Variants in C1orf159 observed in about 807,000 individuals in gnomAD.
C1orf159 encodes the protein uncharacterized protein C1orf159.
C1orf159 carries 19 observed loss-of-function variants against 25.6 expected under a neutral mutation model. The observed-to-expected ratio is 0.74, with a 90% CI of 0.52 to 1.09. The LOEUF (loss-of-function observed/expected upper bound fraction) is 1.09, where lower values mean the gene tolerates loss of function less well. Ranked by LOEUF, C1orf159 falls within the 50% of genes least tolerant of loss-of-function variation. The pLI, the probability that C1orf159 is intolerant of heterozygous loss-of-function variation, is 0.00. For synonymous variants in C1orf159, 139 were observed against 124.7 expected (o/e 1.12, Z -0.77); for missense variants, 274 against 290.6 (o/e 0.94, Z 0.42).
chr1:1,101,861 C>G (rs1646104625), intron 1 of C1orf159, among the ~76,000 whole-genome samples: 1 of 151,972 alleles, frequency 6.6e-6, no homozygotes, highest in Non-Finnish European at 1.5e-5. Flanking sequence ...CCCCTGAGGT[C>G]AGGAGTTCGA....
At chr1:1,085,008 C>G (rs1645807256) in intron 7 of C1orf159, among the ~76,000 whole-genome samples, 1 of 152,202 alleles carries the variant, frequency 6.6e-6, no homozygotes. Flanking sequence ...CCAGGGCTGA[C>G]CAAGCCCTGA....
chr1:1,085,458 G>A (rs1259706014), intron 7 of C1orf159: 4 of 289,416 alleles, frequency 1.4e-5, no homozygotes, highest in African/African-American at 4.4e-5. Context: ...AGGCTGGGGT[G>A]TGGGCCCTGC....
chr1:1,090,140 A>G (rs1406048085), intron 4 of C1orf159, among the ~76,000 whole-genome samples: 3 of 152,072 alleles, frequency 2.0e-5, no homozygotes, highest in African/African-American at 7.2e-5. Context: ...CTGCTGGGCC[A>G]GTCTTCTCAT....
Position 1,091,650 on chromosome 1 carries a change from G to T in C1orf159, c.-22-85C>A, listed in dbSNP as rs919521276. On this transcript the variant is annotated intron_variant, in intron 2 of 9. Coordinates refer to ENST00000421241, the MANE Select transcript of C1orf159 (RefSeq NM_017891.5). ...TGGGGCCAAATGAAAGTGGGGTCAAGAGATGTTGGGGGGGTGCGGGCCAAG... is the reference window on the plus strand; with the variant it reads ...TGGGGCCAAATGAAAGTGGGGTCAATAGATGTTGGGGGGGTGCGGGCCAAG... The T allele has an allele frequency of 9.5e-6, 9 of 946,360 alleles. No individual in the cohort carries two copies. In the Admixed American group the frequency reaches 1.0e-4, roughly 11 times the overall value. The allele number at this position is 946,360 out of a possible 1,614,324, so 58.6% of individuals were successfully genotyped here.
At chr1:1,085,392 C>A (rs1377399747) in intron 7 of C1orf159, 1 of 324,960 alleles carries the variant, frequency 3.1e-6, no homozygotes, top group Non-Finnish European at 6.3e-6. Context: ...GGCCGTCTCT[C>A]CAGTGGGAAG....
At chr1:1,103,774 A>C (rs1182160416) in intron 1 of C1orf159, among the ~76,000 whole-genome samples, 2 of 152,170 alleles carry the variant, frequency 1.3e-5, no homozygotes, top group South Asian at 4.1e-4. Context: ...TCTGTCGCCC[A>C]GGCAGAAATG....
rs1411163390 is a variant in C1orf159, at chr1:1,110,228, G to A, written c.-136+5832C>T. Among the ~76,000 whole-genome samples the A allele has an allele frequency of 6.6e-6, 1 of 152,166 alleles. No individual in the cohort carries two copies. The highest frequency in any genetic ancestry group is 6.5e-5 in the Admixed American group (1 of 15,288). ...TGAAAAAGGGTGGCAGTATAACCAG[G>A]TGTGTCCAACCTCCCATCCTTTTAT... On this transcript the variant is annotated intron_variant, in intron 1 of 9. Coordinates refer to ENST00000421241, the MANE Select transcript of C1orf159 (RefSeq NM_017891.5). This position sits in a 1 kb window ranked among gnomAD's most constrained non-coding sequence, Gnocchi z 4.8.
In C1orf159 at chr1:1,110,506, C is replaced by T. The variant is rs988517718; in HGVS notation, c.-136+5554G>A. Reference sequence around the variant, plus strand: ...AAGACATCCTCGGACACTCAGAAAACGTGTGCGAATGGCAACAGATGAGTG... The same window carrying T: ...AAGACATCCTCGGACACTCAGAAAATGTGTGCGAATGGCAACAGATGAGTG... On this transcript the variant is annotated intron_variant, in intron 1 of 9. Transcript: ENST00000421241. The surrounding 1 kb of genome is among the most constrained non-coding windows in gnomAD (Gnocchi z 4.8). Among the ~76,000 whole-genome samples the T allele has an allele frequency of 3.3e-5, 5 of 151,812 alleles. No homozygotes were observed. The highest frequency in any genetic ancestry group is 3.4e-3 in the Middle Eastern group (1 of 292).
chr1:1,094,960 A>G (rs1290362749), intron 1 of C1orf159, among the ~76,000 whole-genome samples: 1 of 152,224 alleles, frequency 6.6e-6, no homozygotes, highest in African/African-American at 2.4e-5. Context: ...CCTTATGTAT[A>G]AACAGTTGCT....
chr1:1,112,078 C>T (rs1026647899), intron 1 of C1orf159, among the ~76,000 whole-genome samples: 5 of 152,178 alleles, frequency 3.3e-5, no homozygotes, highest in African/African-American at 9.7e-5. Flanking sequence ...AGGGCAGGAT[C>T]GGGCCCATCC....
intron 1 of C1orf159, among the ~76,000 whole-genome samples, chr1:1,101,032 A>G (rs920328293): frequency 2.0e-5 from 3 of 152,250 alleles, no homozygotes; most frequent in Non-Finnish European, 4.4e-5. Context: ...AGTATATACT[A>G]TCTTCAGCAT....
chr1:1,090,389 T>C lies in C1orf159; in HGVS notation c.112A>G (p.Asn38Asp). The C allele has an allele frequency of 6.5e-7, 1 of 1,549,448 alleles. No individual in the cohort carries two copies. The highest frequency in any genetic ancestry group is 8.7e-7 in the Non-Finnish European group (1 of 1,146,638). Residue 38 changes from asparagine to aspartate, a missense_variant, in exon 4 of 10, where the codon AAC (asparagine) becomes GAC (aspartate). Transcript: ENST00000421241. ...AGACTTGCGCCTGGGCAGCTGGCGT[T>C]GACGCCCACCACATCCACACAGCAC... ...PECCVDVVGV[N>D]ASCPGASLCG...
At chr1:1,102,713 A>G (rs898025117) in intron 1 of C1orf159, among the ~76,000 whole-genome samples, 3 of 149,622 alleles carry the variant, frequency 2.0e-5, no homozygotes, top group African/African-American at 7.4e-5. Context: ...CAGGAGAATC[A>G]CTTGAACCTG....
rs568300777 is a variant in C1orf159 at position 1,102,084 on chromosome 1, A to C, written c.-135-9981T>G. Among the ~76,000 whole-genome samples the C allele has an allele frequency of 4.7e-4, 71 of 150,808 alleles. 1 individual carries two copies. Among genetic ancestry groups the C allele is most frequent in the South Asian group, 1.7e-3 (8 of 4,770 alleles). On this transcript the variant is annotated intron_variant, in intron 1 of 9. Transcript: ENST00000421241. ...AAAACTCTGTCTCAAAAAAAAAAAA[A>C]AAAAAAAAAAAACAAACTTTTGAAG...
intron 2 of C1orf159, 159 bp downstream of exon 2, chr1:1,091,832 G>T (rs1301165796): frequency 2.2e-6 from 1 of 464,896 alleles, no homozygotes; most frequent in Non-Finnish European, 4.1e-6. Context: ...GTGGGGCGGG[G>T]CCGCGGCAGA....
chr1:1,103,167 A>C (rs951102793), intron 1 of C1orf159, among the ~76,000 whole-genome samples: 1 of 152,052 alleles, frequency 6.6e-6, no homozygotes, highest in Non-Finnish European at 1.5e-5. Flanking sequence ...TTTGACCTAA[A>C]ATTCCCATTT....
rs80125497 is a variant in C1orf159 at position 1,089,979 on chromosome 1, C to T, written c.148+374G>A. Reference sequence around the variant, plus strand: ...ACCAGGGGCCAGCAGCACCTCTGCCCGAGCACGGACAGGCAAAAATGTCTT... The same window carrying T: ...ACCAGGGGCCAGCAGCACCTCTGCCTGAGCACGGACAGGCAAAAATGTCTT... On this transcript the variant is annotated intron_variant, in intron 4 of 9. Transcript: ENST00000421241. This position sits in a 1 kb window ranked among gnomAD's most constrained non-coding sequence, Gnocchi z 7.5. 3.3e-4 allele frequency among the ~76,000 whole-genome samples: 51 copies of T among 152,338 alleles called. No individual in the cohort carries two copies. The highest frequency in any genetic ancestry group is 5.0e-4 in the Non-Finnish European group (34 of 68,028).
chr1:1,091,850 G>A (rs1163545275), intron 2 of C1orf159, 141 bp downstream of exon 2: 5 of 493,222 alleles, frequency 1.0e-5, no homozygotes, highest in Non-Finnish European at 1.9e-5. Context: ...AGATGACTGA[G>A]TTAAATGGAG....
chr1:1,083,701 G>A (rs1645780771), intron 9 of C1orf159: 1 of 587,516 alleles, frequency 1.7e-6, no homozygotes, highest in Admixed American at 3.2e-5. Flanking sequence ...GGTCTGCTGG[G>A]CACTTGCAGA....
Sources: gnomAD v4.1 joint callset for allele counts (sites outside exome capture counted in the v4.1 genomes callset) on GRCh38, gnomAD v4.1.1 for gene constraint, Gnocchi (gnomAD v3.1) non-coding constraint, MANE v1.5 for transcripts, NCBI Gene and HGNC (gene_info 2026-07-23, HGNC 2026-07-21) for gene names.